CPAMD8: variants seen among roughly 807,000 people sequenced by gnomAD.
CPAMD8 encodes C3 and PZP-like alpha-2-macroglobulin domain-containing protein 8.
Under a neutral mutation model 224.7 loss-of-function variants are expected in CPAMD8, and 146 were observed. The observed-to-expected ratio is 0.65, with a 90% CI of 0.57 to 0.75. The LOEUF is 0.75. Ranked by LOEUF, CPAMD8 falls within the 30% of genes least tolerant of loss-of-function variation. The probability of loss-of-function intolerance (pLI) is 0.00; values close to 1 mark genes in which losing one functional copy is unlikely to be tolerated. For missense variants in CPAMD8, 2,301 were observed against 2,537.5 expected, an observed-to-expected ratio of 0.91 and a Z score of 2.00; for synonymous variants, 966 against 1,044.6, an observed-to-expected ratio of 0.92 and a Z score of 1.45.
At chr19:16,937,012 C>A (rs1186620193) in intron 23 of CPAMD8, among the ~76,000 whole-genome samples, 2 of 142,464 alleles carry the variant, frequency 1.4e-5, no homozygotes, top group African/African-American at 5.2e-5. Flanking sequence ...TCCTTTTTTC[C>A]TTCCTTTCCT....
rs1040143274 is a variant in CPAMD8 at position 16,945,606 on chromosome 19, G to A, written c.2736C>T (p.His912=). 10 of 1,614,162 alleles carry A rather than the reference G, an allele frequency of 6.2e-6. No individual in the cohort carries two copies. Among genetic ancestry groups the A allele is most frequent in the Non-Finnish European group, 8.5e-6 (10 of 1,180,002 alleles). ...GRSSKHPEEN[H]ADRRVPIGVD... ...CCCCGATGGGGACCCTCCTGTCGGC[G>A]TGATTCTCCTCAGGGTGTTTGCTGG... Residue 912 remains histidine (H), a synonymous_variant, in exon 22 of 42, where the codon CAC becomes CAT. Transcript: ENST00000443236.
Position 16,896,184 on chromosome 19 carries a change from C to T in CPAMD8, c.5418G>A (p.Ala1806=), listed in dbSNP as rs753646118. The T allele has an allele frequency of 6.2e-7, 1 of 1,613,776 alleles. No individual in the cohort carries two copies. The highest frequency in any genetic ancestry group is 1.7e-5 in the Admixed American group (1 of 60,026). ...EDSDPEPEGE[A]EDRVTAGPRP... is the part of the protein sequence containing the mutation. Reference sequence around the variant, plus strand: ...GTGGGCCCAGCTGTTACCTGTCCTCCGCCTCCCCTTCAGGCTCAGGGTCTG... The same window carrying T: ...GTGGGCCCAGCTGTTACCTGTCCTCTGCCTCCCCTTCAGGCTCAGGGTCTG... The change falls in exon 41 of 42, where the codon GCG becomes GCA. Residue 1806 remains alanine, a synonymous_variant. Coordinates refer to ENST00000443236, the MANE Select transcript of CPAMD8 (RefSeq NM_015692.5).
At chr19:17,003,138 A>G (rs545762345) in intron 8 of CPAMD8, among the ~76,000 whole-genome samples, 100 of 151,612 alleles carry the variant, frequency 6.6e-4, no homozygotes, top group African/African-American at 2.3e-3. Context: ...CCTGACCTCT[A>G]GTGATCTACC....
rs1195900547 is a variant in CPAMD8 at position 16,993,523 on chromosome 19, G to A, written c.1159C>T (p.Leu387=). The change falls in exon 12 of 42, where the codon CTG becomes TTG. Residue 387 remains leucine (L), a synonymous_variant. Coordinates refer to ENST00000443236, the MANE Select transcript of CPAMD8 (RefSeq NM_015692.5). ...GTGTAGATGTTATCCTTTGGTGTCA[G>A]CTCTGCCTTAATCTGGACCGTCACC... is the stretch of plus-strand genomic sequence containing the variant. ...EGVTVQIKAE[L]TPKDNIYTSE... is the part of the protein sequence containing the mutation. 1 of 1,613,886 alleles carries A rather than the reference G, an allele frequency of 6.2e-7. No individual in the cohort carries two copies. Among genetic ancestry groups the A allele is most frequent in the Non-Finnish European group, 8.5e-7 (1 of 1,179,934 alleles).
chr19:17,011,070 T>G (rs1349734487), intron 5 of CPAMD8, among the ~76,000 whole-genome samples: 1 of 151,570 alleles, frequency 6.6e-6, no homozygotes, highest in East Asian at 1.9e-4. Flanking sequence ...GGTGGGCACC[T>G]ATAATCCCGG....
chr19:17,013,285 G>A (rs917677603), intron 3 of CPAMD8: 2 of 152,204 alleles, frequency 1.3e-5, no homozygotes, highest in Non-Finnish European at 2.9e-5. Flanking sequence ...GAGGTGGGCA[G>A]ATGGCTTGAG....
chr19:16,957,184 C>T (rs1287608831), intron 19 of CPAMD8, among the ~76,000 whole-genome samples: 3 of 152,168 alleles, frequency 2.0e-5, no homozygotes, highest in Non-Finnish European at 2.9e-5. Flanking sequence ...CCCCCAGCTG[C>T]GTGCCTGGCT....
At chr19:16,894,685 C>T (rs1252515820) in intron 41 of CPAMD8, 2 of 335,644 alleles carry the variant, frequency 6.0e-6, no homozygotes, top group Admixed American at 3.8e-5. Flanking sequence ...AGGGGAGTAG[C>T]TTGTGTCAGA....
chr19:16,965,259 C>CA (rs59722303), intron 18 of CPAMD8, among the ~76,000 whole-genome samples: 6,580 of 144,352 alleles, frequency 0.046, 267 homozygotes, highest in African/African-American at 0.11. Flanking sequence ...GACTCCATCT[C>CA]AAAAAAAAAA....
At chr19:16,991,867 C>A (rs1425822073) in intron 12 of CPAMD8, among the ~76,000 whole-genome samples, 4 of 139,160 alleles carry the variant, frequency 2.9e-5, no homozygotes, top group East Asian at 2.1e-4. Flanking sequence ...AAAAAAAAAA[C>A]AACAGAACAG....
intron 2 of CPAMD8, among the ~76,000 whole-genome samples, chr19:17,020,743 G>A (rs575746287): frequency 1.3e-5 from 2 of 152,292 alleles, no homozygotes; most frequent in African/African-American, 4.8e-5. Context: ...CAGTGGACCT[G>A]ACTGTTCTCC....
In CPAMD8 at chr19:16,935,930, A is replaced by ATTT. The variant is rs112965775; in HGVS notation, c.2845+2462_2845+2464dup. 7.4e-3 allele frequency among the ~76,000 whole-genome samples: 1,049 copies of ATTT among 141,728 alleles called. 14 individuals are homozygous for ATTT. The highest frequency in any genetic ancestry group is 0.026 in the African/African-American group (995 of 38,814). The allele number at this position is 141,728 out of a possible 152,430, so 93.0% of individuals were successfully genotyped here. A position where few individuals can be genotyped will look rare whatever the true frequency, so the allele number is the denominator to read the frequency against. ...TCTTTGCCATCATTTAGTGTTCACT[A>ATTT]TTTTTTTTTTTTTTTGAGATAGCAA... On this transcript the variant is annotated intron_variant, in intron 23 of 41. Transcript: ENST00000443236.
In CPAMD8 at chr19:16,978,613, T is replaced by C. The variant is rs182565820; in HGVS notation, c.1586-1073A>G. Among the ~76,000 whole-genome samples, 25 of 152,286 alleles carry C rather than the reference T, an allele frequency of 1.6e-4. No homozygotes were observed. The East Asian group carries it at 2.5e-3, about 15-fold the overall frequency. The stretch of plus-strand genomic sequence containing the variant: ...TGGTCATCACTGCTGGAGGGGATGC[T>C]ACTGGCTTCCGGTGAATAGAAGCCA... On this transcript the variant is annotated intron_variant, in intron 14 of 41. Transcript: ENST00000443236.
At chr19:16,919,588 A>G (rs1223649554) in intron 27 of CPAMD8, among the ~76,000 whole-genome samples, 2 of 152,264 alleles carry the variant, frequency 1.3e-5, no homozygotes, top group Non-Finnish European at 2.9e-5. Flanking sequence ...CATAATAAAT[A>G]GAGATAATAC....
At chr19:16,946,435 G>A (rs1006951061) in intron 21 of CPAMD8, among the ~76,000 whole-genome samples, 6 of 141,304 alleles carry the variant, frequency 4.2e-5, no homozygotes, top group Non-Finnish European at 7.7e-5. Context: ...TTGTGTGTGT[G>A]AATGCATGTC....
intron 39 of CPAMD8, among the ~76,000 whole-genome samples, chr19:16,897,167 C>T (rs865950060): frequency 2.0e-3 from 243 of 123,580 alleles, no homozygotes; most frequent in African/African-American, 7.5e-3. Context: ...CCCTCGACCC[C>T]GCCCCCCGCA....
intron 3 of CPAMD8, among the ~76,000 whole-genome samples, chr19:17,017,526 C>A (rs74749913): frequency 4.6e-5 from 7 of 152,016 alleles, no homozygotes; most frequent in Admixed American, 2.6e-4. Context: ...GGGCCACATC[C>A]TTCTTTGCTG....
rs572297396 is a variant in CPAMD8, at chr19:17,008,727, A to G, written c.505-168T>C. On this transcript the variant is annotated intron_variant, in intron 6 of 41. Coordinates refer to ENST00000443236, the MANE Select transcript of CPAMD8 (RefSeq NM_015692.5). ...GCAAAAAAAAAGCTCTGGATAGAGA[A>G]GGATTTGAAAAGCAGAAGGGGATGG... is the stretch of plus-strand genomic sequence containing the variant. 2.6e-5 allele frequency: 21 copies of G among 793,408 alleles called. No individual in the cohort carries two copies. The South Asian group carries it at 2.7e-4, about 10-fold the overall frequency. The allele number at this position is 793,408 out of a possible 1,614,324, so 49.1% of individuals were successfully genotyped here.
chr19:17,009,387 A>T, intron 5 of CPAMD8, 67 bp from the exon 6 acceptor site: 1 of 1,609,388 alleles, frequency 6.2e-7, no homozygotes. Flanking sequence ...CAACATGCTC[A>T]TGCATGGCCT....
Sources: gnomAD v4.1 joint callset for allele counts (sites outside exome capture counted in the v4.1 genomes callset) on GRCh38, gnomAD v4.1.1 for gene constraint, MANE v1.5 for transcripts, NCBI Gene and HGNC (gene_info 2026-07-23, HGNC 2026-07-21) for gene names.